The following PLK5 variants were observed in gnomAD, a reference collection of about 807,000 sequenced individuals.
The protein encoded by PLK5 is polo like kinase 5 (inactive), also known as inactive serine/threonine-protein kinase PLK5.
A neutral mutation model predicts 33.7 loss-of-function variants in PLK5; 28 were observed. The observed-to-expected ratio is 0.83, with a 90% CI of 0.62 to 1.14. PLK5 has a LOEUF of 1.14. Ranked by LOEUF, PLK5 falls within the 50% of genes most tolerant of loss-of-function variation. The probability of loss-of-function intolerance (pLI) is 0.00; values close to 1 mark genes in which losing one functional copy is unlikely to be tolerated. For synonymous variants in PLK5, 225 were observed against 202.2 expected (o/e 1.11, Z -0.96); for missense variants, 492 against 461.5 (o/e 1.07, Z -0.61).
intron 13 of PLK5, among the ~76,000 whole-genome samples, chr19:1,534,569 GC>G (rs1477213058): frequency 6.7e-6 from 1 of 150,136 alleles, no homozygotes; most frequent in Non-Finnish European, 1.5e-5. Context: ...ACTTTGGGAG[GC>G]CGAGGTGGGC....
At chr19:1,530,835 G>A (rs1171601045) in intron 11 of PLK5, among the ~76,000 whole-genome samples, 2 of 151,162 alleles carry the variant, frequency 1.3e-5, no homozygotes, top group African/African-American at 4.9e-5. Context: ...AGCCAGGATG[G>A]TCTCGATCTC....
intron 3 of PLK5, 108 bp downstream of exon 3, chr19:1,525,819 C>G (rs920434857): frequency 6.5e-6 from 1 of 152,820 alleles, no homozygotes; most frequent in Non-Finnish European, 1.5e-5. Flanking sequence ...CCTGTGTGCC[C>G]TCTGCTGTCC....
chr19:1,535,193 C>T lies in PLK5; in HGVS notation c.954C>T (p.Cys318=), dbSNP rs1188243586. 18 of 1,517,204 alleles carry T rather than the reference C, an allele frequency of 1.2e-5. No homozygotes were observed. Among genetic ancestry groups the T allele is most frequent in the African/African-American group, 3.1e-5 (2 of 63,642 alleles). 94.0% of individuals were successfully genotyped at this position (1,517,204 alleles called of 1,614,324 possible). A position where few individuals can be genotyped will look rare whatever the true frequency, so the allele number is the denominator to read the frequency against. Residue 318 remains cysteine, a synonymous_variant, in exon 14 of 14, where the codon TGC becomes TGT. Transcript: ENST00000454744. The stretch of plus-strand genomic sequence containing the variant: ...TGGACGTCCCGCGGAGCCACGGCTG[C>T]GCCCCCACCACCGGACAGCACCTTC... ...YSLDVPRSHG[C]APTTGQHLHH... is the part of the protein sequence containing the mutation.
rs57882577 is a variant in PLK5, at chr19:1,524,600, C to CGTGTGTGT, written c.-544+379_-544+386dup. 2.9e-4 allele frequency among the ~76,000 whole-genome samples: 44 copies of CGTGTGTGT among 150,030 alleles called. No individual in the cohort carries two copies. The highest frequency in any genetic ancestry group is 1.0e-3 in the African/African-American group (41 of 40,838). On this transcript the variant is annotated intron_variant, in intron 1 of 13. Transcript: ENST00000454744. The surrounding 1 kb of genome is among the most constrained non-coding windows in gnomAD (Gnocchi z 4.5). ...AAGTGTCTGGGTGCTGTGCGGTGTT[C>CGTGTGTGT]GTGTGTGTGTGTGTGTGTGTGTGTG...
intron 10 of PLK5, 75 bp downstream of exon 10, chr19:1,529,565 C>T (rs61744580): frequency 9.3e-5 from 136 of 1,466,246 alleles, no homozygotes; most frequent in South Asian, 2.4e-4. Flanking sequence ...GGACCAAGGC[C>T]GTGGCTTACC....
chr19:1,528,179 G>A, intron 7 of PLK5, 45 bp downstream of exon 7: 1 of 1,530,102 alleles, frequency 6.5e-7, no homozygotes, highest in Non-Finnish European at 8.8e-7. Flanking sequence ...TGGGGTCCCT[G>A]GCAGGTGATG....
intron 9 of PLK5, chr19:1,529,188 C>T (rs1449457704): frequency 1.6e-6 from 1 of 643,790 alleles, no homozygotes; most frequent in African/African-American, 1.8e-5. Flanking sequence ...GGCTCGAGGC[C>T]ATGGGAAGGG....
At chr19:1,528,242 C>A in intron 7 of PLK5, 60 bp from the exon 8 acceptor site, 1 of 1,535,584 alleles carries the variant, frequency 6.5e-7, no homozygotes, top group Non-Finnish European at 8.7e-7. Context: ...TCCCAGGTAA[C>A]CCAGGTGCTC....
rs1294687772 is a variant in PLK5 at position 1,529,494 on chromosome 19, AGCAGATCCCCGTCCCAGCCCGGG to A, written c.490+7_490+29del. 3.3e-6 allele frequency: 5 copies of A among 1,535,134 alleles called. No individual in the cohort carries two copies. Among genetic ancestry groups the A allele is most frequent in the Non-Finnish European group, 4.4e-6 (5 of 1,146,116 alleles). The stretch of plus-strand genomic sequence containing the variant: ...ACCCTGCAGAGTGACCTGGCCGGTG[AGCAGATCCCCGTCCCAGCCCGGG>A]GCTGCAGGTGGGGAGGGAGGAATTA... On this transcript the variant is annotated splice_donor_5th_base_variant and intron_variant, in intron 10 of 13. Coordinates refer to ENST00000454744, the MANE Select transcript of PLK5 (RefSeq NM_001243079.2).
intron 11 of PLK5, among the ~76,000 whole-genome samples, chr19:1,530,034 C>T (rs2656864): frequency 2.6e-5 from 4 of 151,914 alleles, no homozygotes; most frequent in African/African-American, 4.8e-5. Flanking sequence ...TTACGTTTCA[C>T]GGTCTCTTAA....
chr19:1,531,866 C>T lies in PLK5; in HGVS notation c.697C>T (p.Pro233Ser), dbSNP rs957011289. The T allele has an allele frequency of 1.3e-6, 2 of 1,495,422 alleles. No individual in the cohort carries two copies. The highest frequency in any genetic ancestry group is 2.1e-5 in the Admixed American group (1 of 47,022). The allele number at this position is 1,495,422 out of a possible 1,614,324, so 92.6% of individuals were successfully genotyped here. Residue 233 changes from proline (P) to serine (S), a missense_variant, in exon 12 of 14, where the codon CCT (proline) becomes TCT (serine). By Grantham distance (74) the Pro-to-Ser change is moderately conservative. Transcript: ENST00000454744. ...GCGCACGGGACGGCACCCACATGGC[C>T]CTGCGACCCCCCGGAGGGTAAGTTG... is the stretch of plus-strand genomic sequence containing the variant. The part of the protein sequence containing the change: ...GGRTGRHPHG[P>S]ATPRREGTLP...
intron 7 of PLK5, 41 bp from the exon 8 acceptor site, chr19:1,528,261 G>C (rs1913805421): frequency 6.5e-7 from 1 of 1,535,844 alleles, no homozygotes; most frequent in Non-Finnish European, 8.7e-7. Context: ...TCAGGGGCTG[G>C]GTGACCTAAG....
intron 9 of PLK5, 94 bp from the exon 10 acceptor site, chr19:1,529,312 G>A (rs1913853530): frequency 2.7e-6 from 3 of 1,123,964 alleles, no homozygotes; most frequent in Middle Eastern, 2.7e-4. Context: ...AGAGCACGGA[G>A]GGCACAGGCA....
intron 8 of PLK5, 130 bp downstream of exon 8, chr19:1,528,558 C>A (rs1913823423): frequency 2.9e-6 from 2 of 699,480 alleles, no homozygotes; most frequent in Non-Finnish European, 2.0e-6. Flanking sequence ...CTGCCCACGC[C>A]TCCCACCTGC....
At chr19:1,530,670 A>G (rs1913902098) in intron 11 of PLK5, among the ~76,000 whole-genome samples, 1 of 114,628 alleles carries the variant, frequency 8.7e-6, no homozygotes, top group South Asian at 3.1e-4. Flanking sequence ...CCCAGGCTGG[A>G]GTGCTGTGGC....
At chr19:1,532,461 C>T (rs1463200557) in intron 12 of PLK5, among the ~76,000 whole-genome samples, 1 of 151,994 alleles carries the variant, frequency 6.6e-6, no homozygotes, top group Non-Finnish European at 1.5e-5. Context: ...ATCACTTGAG[C>T]CCAGCAGTTT....
chr19:1,535,026 G>A (rs1284492130), intron 13 of PLK5, 39 bp from the exon 14 acceptor site: 5 of 1,463,428 alleles, frequency 3.4e-6, no homozygotes, highest in South Asian at 2.7e-5. Flanking sequence ...AGGTGCAGGG[G>A]TACCCGTCTC....
At position 1,528,150 on chromosome 19, in the gene PLK5, C is replaced by A. The variant is rs993204694; in HGVS notation, c.201+16C>A. On this transcript the variant is annotated intron_variant, in intron 7 of 13. Coordinates refer to ENST00000454744, the MANE Select transcript of PLK5 (RefSeq NM_001243079.2). Reference sequence around the variant, plus strand: ...CTTCACACAGGTGGGCGGCGGTCCTCGGCGTGGGGTCCCTGGCGTGGGGTC... The same window carrying A: ...CTTCACACAGGTGGGCGGCGGTCCTAGGCGTGGGGTCCCTGGCGTGGGGTC... The A allele has an allele frequency of 3.3e-6, 5 of 1,509,874 alleles. No homozygotes were observed. The Admixed American group carries it at 8.0e-5, about 24-fold the overall frequency. The allele number at this position is 1,509,874 out of a possible 1,614,324, so 93.5% of individuals were successfully genotyped here.
intron 11 of PLK5, among the ~76,000 whole-genome samples, chr19:1,531,353 G>A (rs1377756246): frequency 7.2e-5 from 11 of 152,080 alleles, no homozygotes; most frequent in African/African-American, 2.7e-4. Flanking sequence ...AGGTTGCAGT[G>A]AGCCGAGATT....
Sources: gnomAD v4.1 joint callset for allele counts (sites outside exome capture counted in the v4.1 genomes callset) on GRCh38, gnomAD v4.1.1 for gene constraint, Gnocchi (gnomAD v3.1) non-coding constraint, MANE v1.5 for transcripts, NCBI Gene and HGNC (gene_info 2026-07-23, HGNC 2026-07-21) for gene names.